Variants in NR6A1 observed in about 807,000 individuals in gnomAD.
NR6A1 encodes the protein nuclear receptor subfamily 6 group A member 1.
Under a neutral mutation model 59.1 loss-of-function variants are expected in NR6A1, and 7 were observed. The ratio of observed to expected loss-of-function variants is 0.12; its 90% CI spans 0.07 to 0.22. The LOEUF (loss-of-function observed/expected upper bound fraction) is 0.22. NR6A1 is among the 10% of genes least tolerant of loss of function. The probability of loss-of-function intolerance (pLI) is 1.00; values close to 1 mark genes in which losing one functional copy is unlikely to be tolerated. For missense variants in NR6A1, 468 were observed against 611.6 expected (o/e 0.77, Z 2.48); for synonymous variants, 243 against 236.1 (o/e 1.03, Z -0.27).
chr9:124,661,328 C>T (rs1837425145), intron 2 of NR6A1, among the ~76,000 whole-genome samples: 1 of 152,082 alleles, frequency 6.6e-6, no homozygotes, highest in Non-Finnish European at 1.5e-5. Context: ...AAGAAACGAG[C>T]AGGGGGAAAC....
intron 3 of NR6A1, among the ~76,000 whole-genome samples, chr9:124,546,284 A>T (rs1199005973): frequency 6.6e-6 from 1 of 152,248 alleles, no homozygotes; most frequent in Non-Finnish European, 1.5e-5. Context: ...GAAATGAAGT[A>T]TTTTGCTGGA....
At chr9:124,567,687 T>C (rs929991350) in intron 2 of NR6A1, among the ~76,000 whole-genome samples, 5 of 152,070 alleles carry the variant, frequency 3.3e-5, no homozygotes, top group Non-Finnish European at 7.4e-5. Flanking sequence ...GGTGAACTAG[T>C]TAGGACAAAA....
chr9:124,754,305 T>C (rs79352584), intron 1 of NR6A1, among the ~76,000 whole-genome samples: 301 of 152,358 alleles, frequency 2.0e-3, no homozygotes, highest in African/African-American at 6.5e-3. Flanking sequence ...ACTGACCAAA[T>C]TGCCAAATCT....
chr9:124,530,274 T>A (rs1588640120), intron 7 of NR6A1, among the ~76,000 whole-genome samples: 1 of 152,116 alleles, frequency 6.6e-6, no homozygotes, highest in Admixed American at 6.6e-5. Flanking sequence ...CCAGCAGTGA[T>A]GGGGGCTGGC....
chr9:124,770,540 G>A (rs952768661), intron 1 of NR6A1, among the ~76,000 whole-genome samples: 2 of 150,886 alleles, frequency 1.3e-5, no homozygotes, highest in African/African-American at 4.9e-5. Flanking sequence ...ACCCCTGTAG[G>A]GGAAAAGAGA....
At chr9:124,658,171 G>T (rs961144921) in intron 2 of NR6A1, among the ~76,000 whole-genome samples, 1 of 152,164 alleles carries the variant, frequency 6.6e-6, no homozygotes, top group African/African-American at 2.4e-5. Flanking sequence ...CAACCTCTGG[G>T]TGGGTAATGC....
chr9:124,687,291 A>ATTAATTAT lies in NR6A1; in HGVS notation c.142+46016_142+46017insATAATTAA, dbSNP rs59770058. 2.1e-3 allele frequency among the ~76,000 whole-genome samples: 304 copies of ATTAATTAT among 142,160 alleles called. 1 individual carries two copies. Among genetic ancestry groups the ATTAATTAT allele is most frequent in the East Asian group, 0.012 (59 of 4,842 alleles). 93.3% of individuals were successfully genotyped at this position (142,160 alleles called of 152,430 possible). On this transcript the variant is annotated intron_variant, in intron 2 of 9. Transcript: ENST00000487099. ...ACATGCCACCACAGCCAGCTAATTA[A>ATTAATTAT]TTATTTATTTATTTATTTATTTATT...
At chr9:124,552,054 G>A (rs1833793319) in intron 3 of NR6A1, among the ~76,000 whole-genome samples, 1 of 152,184 alleles carries the variant, frequency 6.6e-6, no homozygotes, top group Non-Finnish European at 1.5e-5. Flanking sequence ...ATGGTCAGAG[G>A]GGTTATAAGG....
intron 1 of NR6A1, among the ~76,000 whole-genome samples, chr9:124,767,273 A>G (rs570675429): frequency 2.0e-5 from 3 of 152,306 alleles, no homozygotes; most frequent in African/African-American, 7.2e-5. Flanking sequence ...ATGTACTAAC[A>G]CATGTGCCTT....
chr9:124,636,025 A>G (rs1836601358), intron 2 of NR6A1, among the ~76,000 whole-genome samples: 1 of 152,256 alleles, frequency 6.6e-6, no homozygotes, highest in Non-Finnish European at 1.5e-5. Context: ...TGTTGTCGTC[A>G]GTATTCTGAA....
intron 2 of NR6A1, among the ~76,000 whole-genome samples, chr9:124,672,057 T>C (rs979789700): frequency 9.8e-5 from 15 of 152,318 alleles, no homozygotes; most frequent in African/African-American, 2.9e-4. Context: ...TTCCATACTA[T>C]GGAATATTTT....
intron 2 of NR6A1, among the ~76,000 whole-genome samples, chr9:124,709,688 C>T (rs1207891133): frequency 6.6e-6 from 1 of 152,146 alleles, no homozygotes; most frequent in African/African-American, 2.4e-5. Flanking sequence ...AATCTCAGCA[C>T]TTTGGGAGGC....
intron 2 of NR6A1, among the ~76,000 whole-genome samples, chr9:124,600,607 T>A (rs1424736695): frequency 1.3e-5 from 2 of 152,216 alleles, no homozygotes; most frequent in Non-Finnish European, 2.9e-5. Flanking sequence ...GCCCTAGAAG[T>A]ACTCATCATC....
At chr9:124,649,497 C>T (rs1211374167) in intron 2 of NR6A1, among the ~76,000 whole-genome samples, 10 of 152,096 alleles carry the variant, frequency 6.6e-5, no homozygotes, top group Non-Finnish European at 1.2e-4. Flanking sequence ...TGAGACTACA[C>T]TACTACTACA....
chr9:124,728,130 C>T (rs1459989031), intron 2 of NR6A1, among the ~76,000 whole-genome samples: 1 of 151,228 alleles, frequency 6.6e-6, no homozygotes, highest in South Asian at 2.1e-4. Context: ...GGGTTCACAC[C>T]ATTCTCCTGC....
chr9:124,717,141 T>C (rs1396096436), intron 2 of NR6A1, among the ~76,000 whole-genome samples: 1 of 152,200 alleles, frequency 6.6e-6, no homozygotes, highest in African/African-American at 2.4e-5. Flanking sequence ...CTGAAACTCA[T>C]ATACTACTGG....
rs1380607134 is a variant in NR6A1, at chr9:124,729,560, G to A, written c.142+3748C>T. Among the ~76,000 whole-genome samples, 3 of 151,968 alleles carry A rather than the reference G, an allele frequency of 2.0e-5. No individual in the cohort carries two copies. In the East Asian group the frequency reaches 5.8e-4, roughly 29 times the overall value. On this transcript the variant is annotated intron_variant, in intron 2 of 9. Transcript: ENST00000487099. ...GACTATGCCACTGCACTACAGCTTGGACAAAAGAGTAAGACCCTGTCTCAA... is the reference window on the plus strand; with the variant it reads ...GACTATGCCACTGCACTACAGCTTGAACAAAAGAGTAAGACCCTGTCTCAA...
intron 2 of NR6A1, among the ~76,000 whole-genome samples, chr9:124,609,011 T>G (rs893150688): frequency 6.6e-6 from 1 of 152,242 alleles, no homozygotes; most frequent in African/African-American, 2.4e-5. Flanking sequence ...TAAATTTGAT[T>G]AAGTTCCTTG....
At chr9:124,608,087 G>A (rs1019011967) in intron 2 of NR6A1, among the ~76,000 whole-genome samples, 8 of 151,834 alleles carry the variant, frequency 5.3e-5, no homozygotes, top group African/African-American at 1.5e-4. Context: ...AAATAATTTC[G>A]TGCTTAGGAG....
Sources: allele counts gnomAD v4.1 joint callset (sites outside exome capture counted in the v4.1 genomes callset), GRCh38; gene constraint gnomAD v4.1.1; transcripts MANE v1.5; gene names NCBI Gene and HGNC (gene_info 2026-07-23, HGNC 2026-07-21).